Variants in NEBL observed in about 807,000 individuals in gnomAD.
The protein encoded by NEBL is nebulette, also known as LIM and SH3 protein 2.
A neutral mutation model predicts 140.2 loss-of-function variants in NEBL; 122 were observed. The ratio of observed to expected loss-of-function variants is 0.87; its 90% CI spans 0.75 to 1.01. The LOEUF is 1.01. Ranked by LOEUF, NEBL falls within the 50% of genes least tolerant of loss-of-function variation. The pLI is 0.00. For synonymous variants in NEBL, 436 were observed against 398.9 expected, an observed-to-expected ratio of 1.09 and a Z score of -1.11; for missense variants, 1,365 against 1,231.3, an observed-to-expected ratio of 1.11 and a Z score of -1.62.
intron 24 of NEBL, among the ~76,000 whole-genome samples, chr10:20,812,149 C>T (rs914271570): frequency 1.1e-4 from 16 of 152,106 alleles, no homozygotes; most frequent in Non-Finnish European, 1.5e-4. Context: ...AGGACCTAAA[C>T]GCAATATGGT....
intron 9 of NEBL, among the ~76,000 whole-genome samples, chr10:20,853,004 A>G (rs1460619759): frequency 6.6e-6 from 1 of 152,254 alleles, no homozygotes; most frequent in African/African-American, 2.4e-5. Context: ...TCTTGCTCTT[A>G]TCTTATGACA....
intron 2 of NEBL, among the ~76,000 whole-genome samples, chr10:21,031,279 C>A (rs1833773081): frequency 6.6e-6 from 1 of 152,154 alleles, no homozygotes. Flanking sequence ...GAGAAAGCTG[C>A]CACCACAACT....
intron 5 of NEBL, among the ~76,000 whole-genome samples, chr10:20,870,399 C>A (rs893103150): frequency 2.0e-5 from 3 of 148,938 alleles, no homozygotes; most frequent in African/African-American, 7.4e-5. Flanking sequence ...AAGCACAAAA[C>A]CAATCTTAAA....
intron 2 of NEBL, among the ~76,000 whole-genome samples, chr10:21,149,260 A>C (rs1318070840): frequency 6.6e-6 from 1 of 151,750 alleles, no homozygotes; most frequent in African/African-American, 2.4e-5. Context: ...CACCTTACGC[A>C]CCTCGTCGTC....
chr10:21,180,330 C>T (rs1283832163), intron 3 of NEBL, among the ~76,000 whole-genome samples: 6 of 152,096 alleles, frequency 3.9e-5, no homozygotes, highest in East Asian at 1.9e-4. Context: ...GAAATAATGA[C>T]GTTCTGGGAC....
chr10:20,845,450 C>A, intron 11 of NEBL, 82 bp from the exon 12 acceptor site: 1 of 891,008 alleles, frequency 1.1e-6, no homozygotes, highest in Non-Finnish European at 1.8e-6. Flanking sequence ...GTTCCCAGAA[C>A]AAAAATGATG....
chr10:20,825,004 C>T (rs1839696757), intron 18 of NEBL, among the ~76,000 whole-genome samples: 1 of 152,180 alleles, frequency 6.6e-6, no homozygotes, highest in Admixed American at 6.6e-5. Flanking sequence ...CAGAAGAACA[C>T]ATTCATCCAC....
At chr10:21,113,005 C>T (rs1838104804) in intron 2 of NEBL, 1 of 255,722 alleles carries the variant, frequency 3.9e-6, no homozygotes, top group African/African-American at 2.4e-5. Flanking sequence ...AAAAGTAAAA[C>T]TTGCTGCCAC....
chr10:21,137,412 T>C (rs1404007895), intron 2 of NEBL, among the ~76,000 whole-genome samples: 2 of 152,238 alleles, frequency 1.3e-5, no homozygotes, highest in East Asian at 3.8e-4. Context: ...TGTTCATTTA[T>C]AACTCTGAAA....
intron 2 of NEBL, among the ~76,000 whole-genome samples, chr10:21,139,612 T>A (rs12782552): frequency 0.029 from 4,459 of 152,250 alleles, 96 homozygotes; most frequent in Middle Eastern, 0.054. Context: ...ATATGGTTCC[T>A]CAACCCCAAA....
At chr10:20,956,373 C>A (rs1424623436) in intron 4 of NEBL, among the ~76,000 whole-genome samples, 2 of 151,884 alleles carry the variant, frequency 1.3e-5, no homozygotes, top group Non-Finnish European at 2.9e-5. Flanking sequence ...ATCACTTTCT[C>A]TTTTTTTTAA....
In NEBL at chr10:20,905,505, C is replaced by T. The variant is rs372223050; in HGVS notation, c.357+56167G>A. Among the ~76,000 whole-genome samples the T allele has an allele frequency of 4.5e-4, 69 of 152,230 alleles. 1 individual carries two copies. The East Asian group carries it at 4.8e-3, about 11-fold the overall frequency. ...CCATCAGATCTCATGAGAACTCACTCACTGTCACAACAGCAGCATGTGGGA... is the reference window on the plus strand; with the variant it reads ...CCATCAGATCTCATGAGAACTCACTTACTGTCACAACAGCAGCATGTGGGA... On this transcript the variant is annotated intron_variant, in intron 4 of 6. Transcript: ENST00000417816.
rs543457803 is a variant in NEBL, at chr10:20,840,994, T to C, written c.1228-145A>G. The C allele has an allele frequency of 7.2e-5, 46 of 636,834 alleles. 1 individual carries two copies. The South Asian group carries it at 7.8e-4, about 11-fold the overall frequency. 39.4% of individuals were successfully genotyped at this position (636,834 alleles called of 1,614,324 possible). A position where few individuals can be genotyped will look rare whatever the true frequency, so the allele number is the denominator to read the frequency against. Reference sequence around the variant, plus strand: ...ACACAGCTAAGTATTCATGCTTTTTTCCTACAGACACTTCATTTTCCCCTC... The same window carrying C: ...ACACAGCTAAGTATTCATGCTTTTTCCCTACAGACACTTCATTTTCCCCTC... On this transcript the variant is annotated intron_variant, in intron 12 of 27. Coordinates refer to ENST00000377122, the MANE Select transcript of NEBL (RefSeq NM_006393.3).
chr10:20,964,544 C>T (rs1408806395), intron 3 of NEBL, among the ~76,000 whole-genome samples: 1 of 152,068 alleles, frequency 6.6e-6, no homozygotes, highest in African/African-American at 2.4e-5. Context: ...CTCACGTGAA[C>T]TCATTGTTGT....
intron 6 of NEBL, 24 bp from the exon 7 acceptor site, chr10:20,868,789 G>GTTAAATA (rs1204666701): frequency 6.8e-7 from 1 of 1,476,046 alleles, no homozygotes; most frequent in East Asian, 2.3e-5. Context: ...ATAAGACAAT[G>GTTAAATA]TTAAATATTT....
chr10:21,078,337 C>A (rs1022427493), intron 2 of NEBL, among the ~76,000 whole-genome samples: 1 of 152,112 alleles, frequency 6.6e-6, no homozygotes, highest in Non-Finnish European at 1.5e-5. Context: ...AAGTAATAAG[C>A]CTTTCAAATT....
intron 4 of NEBL, among the ~76,000 whole-genome samples, chr10:20,937,725 CG>C (rs1834575944): frequency 6.6e-6 from 1 of 152,140 alleles, no homozygotes; most frequent in Admixed American, 6.5e-5. Context: ...CCTGGAAAAT[CG>C]GGTCACTCCC....
intron 1 of NEBL, among the ~76,000 whole-genome samples, chr10:21,275,895 C>A (rs1218815372): frequency 2.1e-5 from 3 of 146,316 alleles, no homozygotes; most frequent in Non-Finnish European, 4.5e-5. Context: ...CGACCTCAGG[C>A]GATCTGCCTG....
In NEBL at chr10:21,042,424, T is replaced by G. The variant is rs894492448; in HGVS notation, c.165-22223A>C. Among the ~76,000 whole-genome samples the G allele has an allele frequency of 7.9e-5, 12 of 152,344 alleles. 1 individual carries two copies. Among genetic ancestry groups the G allele is most frequent in the South Asian group, 4.1e-4 (2 of 4,834 alleles). ...TGAGTAAGTTGCTAAATACAGCCAT[T>G]ATTAAAAATTAAATTGTATCAACTT... On this transcript the variant is annotated intron_variant, in intron 2 of 6. Transcript: ENST00000417816.
Sources: gnomAD v4.1 joint callset for allele counts (sites outside exome capture counted in the v4.1 genomes callset) on GRCh38, gnomAD v4.1.1 for gene constraint, MANE v1.5 for transcripts, NCBI Gene and HGNC (gene_info 2026-07-23, HGNC 2026-07-21) for gene names.